Variants in ZNF713 observed in about 807,000 individuals in gnomAD.
ZNF713 encodes zinc finger protein 713.
In ZNF713, 21 loss-of-function variants were observed where a neutral mutation model predicts 28.7. The observed-to-expected ratio is 0.73, with a 90% CI of 0.52 to 1.05. The LOEUF (loss-of-function observed/expected upper bound fraction) is 1.05, where lower values mean the gene tolerates loss of function less well. ZNF713 is among the 50% of genes least tolerant of loss of function. ZNF713 has a pLI of 0.00. For synonymous variants in ZNF713, 167 were observed against 178.0 expected, an observed-to-expected ratio of 0.94 and a Z score of 0.49; for missense variants, 458 against 532.4, an observed-to-expected ratio of 0.86 and a Z score of 1.37.
intron 5 of ZNF713, 108 bp from the exon 6 acceptor site, chr7:55,923,499 T>C: frequency 8.8e-7 from 1 of 1,140,440 alleles, no homozygotes; most frequent in Admixed American, 2.3e-5. Flanking sequence ...TTTTGCTGCC[T>C]CTGAAGTCTC....
At chr7:55,920,767 T>A (rs1481487818) in intron 4 of ZNF713, among the ~76,000 whole-genome samples, 1 of 136,460 alleles carries the variant, frequency 7.3e-6, no homozygotes. Flanking sequence ...TTTATTTATT[T>A]ATTTATTTAT....
At chr7:55,910,477 G>A (rs1226722698) in intron 2 of ZNF713, among the ~76,000 whole-genome samples, 1 of 151,820 alleles carries the variant, frequency 6.6e-6, no homozygotes, top group Admixed American at 6.6e-5. Flanking sequence ...TTGATGCTTG[G>A]TTTGTTGAGG....
At chr7:55,928,886 C>T (rs1685820593) in intron 6 of ZNF713, among the ~76,000 whole-genome samples, 2 of 150,416 alleles carry the variant, frequency 1.3e-5, no homozygotes, top group African/African-American at 2.5e-5. Flanking sequence ...AATCCCAGCA[C>T]TGTGTGAGAC....
chr7:55,920,646 G>A (rs564293174), intron 4 of ZNF713, among the ~76,000 whole-genome samples: 145 of 152,346 alleles, frequency 9.5e-4, no homozygotes, highest in Middle Eastern at 3.4e-3. Flanking sequence ...TAGTAGCTGC[G>A]GCAAGTTATC....
At position 55,939,873 on chromosome 7, in the gene ZNF713, G is replaced by T. The variant is rs1786429579; in HGVS notation, c.1199G>T (p.Cys400Phe). Residue 400 changes from cysteine to phenylalanine, a missense_variant, in exon 7 of 7, where the codon TGT becomes TTT. By Grantham distance (205) the Cys-to-Phe change is radical. Transcript: ENST00000429591. ...CATACAGGAGAGAAACCCTATAAAT[G>T]TAATGAATGCGGGAAAGCCTTTAGC... The part of the protein sequence containing the change: ...RTHTGEKPYK[C>F]NECGKAFSQS... 6.2e-7 allele frequency: 1 copy of T among 1,614,118 alleles called. No individual in the cohort carries two copies. Among genetic ancestry groups the T allele is most frequent in the Non-Finnish European group, 8.5e-7 (1 of 1,179,974 alleles).
chr7:55,931,788 C>T (rs1353221346), intron 6 of ZNF713, among the ~76,000 whole-genome samples: 1 of 152,216 alleles, frequency 6.6e-6, no homozygotes, highest in East Asian at 1.9e-4. Context: ...AGATGTTCTT[C>T]AGGTTGCCCA....
At chr7:55,895,437 T>C (rs1331246666) in intron 1 of ZNF713, among the ~76,000 whole-genome samples, 1 of 150,020 alleles carries the variant, frequency 6.7e-6, no homozygotes, top group Non-Finnish European at 1.5e-5. Context: ...TATGCTGTTA[T>C]ATTCTGTTAT....
chr7:55,894,512 A>G (rs1437951628), intron 1 of ZNF713, among the ~76,000 whole-genome samples: 3 of 152,236 alleles, frequency 2.0e-5, no homozygotes, highest in Admixed American at 6.5e-5. Context: ...ATGATTAAAT[A>G]TGTTTATGTA....
intron 4 of ZNF713, among the ~76,000 whole-genome samples, chr7:55,919,782 C>T (rs1321278721): frequency 6.6e-6 from 1 of 152,034 alleles, no homozygotes; most frequent in Non-Finnish European, 1.5e-5. Context: ...TTCGTGCAAT[C>T]TTCATCCAGA....
chr7:55,887,815 G>A lies in ZNF713; in HGVS notation c.-583+135G>A, dbSNP rs1250431143. Reference sequence around the variant, plus strand: ...GGGGCGGAGGCGGGGGGCGGCGGGCGGCGGGCGGCGGGCGGCGGGCGGCGG... The same window carrying A: ...GGGGCGGAGGCGGGGGGCGGCGGGCAGCGGGCGGCGGGCGGCGGGCGGCGG... On this transcript the variant is annotated intron_variant, in intron 1 of 6. Transcript: ENST00000429591. 5 of 4,854 alleles carry A rather than the reference G, an allele frequency of 1.0e-3. 1 individual carries two copies. The highest frequency in any genetic ancestry group is 3.2e-3 in the African/African-American group (5 of 1,580). 0.3% of individuals were successfully genotyped at this position (4,854 alleles called of 1,614,324 possible).
intron 1 of ZNF713, among the ~76,000 whole-genome samples, chr7:55,892,690 T>C (rs13222893): frequency 0.045 from 6,750 of 148,730 alleles, 290 homozygotes; most frequent in East Asian, 0.23. Context: ...CTGACCAACA[T>C]AGAGAAACCC....
rs947763942 is a variant in ZNF713, at chr7:55,899,439, G to T, written c.-582-6814G>T. Among the ~76,000 whole-genome samples, 16 of 145,964 alleles carry T rather than the reference G, an allele frequency of 1.1e-4. 1 individual carries two copies. The highest frequency in any genetic ancestry group is 6.9e-4 in the South Asian group (3 of 4,362). ...CAGCACTTTGGGAGGCCGAGGGGGG[G>T]GGGGGGGTTGATCACAAGGTCAGGA... On this transcript the variant is annotated intron_variant, in intron 1 of 6. Coordinates refer to ENST00000429591, the MANE Select transcript of ZNF713 (RefSeq NM_182633.3).
At chr7:55,913,587 G>C (rs1422453170) in intron 4 of ZNF713, among the ~76,000 whole-genome samples, 2 of 152,166 alleles carry the variant, frequency 1.3e-5, no homozygotes, top group African/African-American at 4.8e-5. Context: ...ATGAAAACTA[G>C]TCGAATGCTT....
In ZNF713 at chr7:55,938,886, T is replaced by C. The variant is rs1786407067; in HGVS notation, c.308-96T>C. On this transcript the variant is annotated intron_variant, in intron 6 of 6. Coordinates refer to ENST00000429591, the MANE Select transcript of ZNF713 (RefSeq NM_182633.3). ...TATGCCTTGTACACATTACTGTCAG[T>C]TTTATTTGGTAATTCGCTGTGCAAC... The C allele has an allele frequency of 7.6e-6, 10 of 1,316,876 alleles. No individual in the cohort carries two copies. In the South Asian group the frequency reaches 1.3e-4, roughly 18 times the overall value. 81.6% of individuals were successfully genotyped at this position (1,316,876 alleles called of 1,614,324 possible).
chr7:55,928,969 CAAAAAAAA>C (rs35152322), intron 6 of ZNF713, among the ~76,000 whole-genome samples: 4 of 119,336 alleles, frequency 3.4e-5, no homozygotes, highest in Admixed American at 8.9e-5. Context: ...CCATTTCTAC[CAAAAAAAA>C]AAAAAAAAAA....
At chr7:55,914,921 C>T (rs1054953709) in intron 4 of ZNF713, among the ~76,000 whole-genome samples, 1 of 152,194 alleles carries the variant, frequency 6.6e-6, no homozygotes, top group Non-Finnish European at 1.5e-5. Context: ...GTGGCACAAT[C>T]TCGGCTCACT....
At chr7:55,918,556 G>T (rs1480795999) in intron 4 of ZNF713, among the ~76,000 whole-genome samples, 1 of 152,172 alleles carries the variant, frequency 6.6e-6, no homozygotes, top group Non-Finnish European at 1.5e-5. Context: ...GAAAACGAGT[G>T]AAATAATAAA....
chr7:55,914,340 T>C (rs571997008), intron 4 of ZNF713, among the ~76,000 whole-genome samples: 6 of 152,192 alleles, frequency 3.9e-5, no homozygotes, highest in Middle Eastern at 3.4e-3. Flanking sequence ...AATAAACTCA[T>C]TGAAGGGGAT....
chr7:55,922,636 A>G (rs1786014274), intron 4 of ZNF713, among the ~76,000 whole-genome samples: 1 of 152,120 alleles, frequency 6.6e-6, no homozygotes, highest in Admixed American at 6.6e-5. Context: ...AAGACCCTCC[A>G]CTATCAAAAA....
Sources: allele counts gnomAD v4.1 joint callset (sites outside exome capture counted in the v4.1 genomes callset), GRCh38; gene constraint gnomAD v4.1.1; transcripts MANE v1.5; gene names NCBI Gene and HGNC (gene_info 2026-07-23, HGNC 2026-07-21).